CAMKMT: variants seen among roughly 807,000 people sequenced by gnomAD.
CAMKMT encodes CaM KMT.
A neutral mutation model predicts 48.0 loss-of-function variants in CAMKMT; 53 were observed. That is an observed-to-expected ratio of 1.10 (90% CI 0.89 to 1.39). The LOEUF (loss-of-function observed/expected upper bound fraction) is 1.39. CAMKMT is among the 40% of genes most tolerant of loss of function. The probability of loss-of-function intolerance (pLI) is 0.00; values close to 1 mark genes in which losing one functional copy is unlikely to be tolerated. For synonymous variants in CAMKMT, 165 were observed against 152.3 expected, an observed-to-expected ratio of 1.08 and a Z score of -0.61; for missense variants, 428 against 402.7, an observed-to-expected ratio of 1.06 and a Z score of -0.54.
At chr2:44,366,780 A>G (rs1433064937) in intron 1 of CAMKMT, among the ~76,000 whole-genome samples, 1 of 152,142 alleles carries the variant, frequency 6.6e-6, no homozygotes, top group Non-Finnish European at 1.5e-5. Context: ...GAAGTGCAGC[A>G]GTGTGATCTC....
chr2:44,395,933 A>G (rs1681796564), intron 3 of CAMKMT, among the ~76,000 whole-genome samples: 1 of 152,164 alleles, frequency 6.6e-6, no homozygotes, highest in African/African-American at 2.4e-5. Context: ...AAATACACAT[A>G]TAAATCAATA....
intron 6 of CAMKMT, among the ~76,000 whole-genome samples, chr2:44,714,254 A>G (rs1558813221): frequency 1.3e-5 from 2 of 152,226 alleles, no homozygotes; most frequent in Admixed American, 6.5e-5. Flanking sequence ...TCTAAGAGTT[A>G]TAGTGCCAGG....
At position 44,443,596 on chromosome 2, in the gene CAMKMT, A is replaced by G. The variant is rs370694213; in HGVS notation, c.376+53291A>G. 1.9e-4 allele frequency among the ~76,000 whole-genome samples: 29 copies of G among 152,298 alleles called. No homozygotes were observed. In the East Asian group the frequency reaches 5.4e-3, roughly 28 times the overall value. Reference sequence around the variant, plus strand: ...TATAAATTTCTTGCTTTGTAGTTTAACAGGTTTAGTCACCACAGTTGAAAG... The same window carrying G: ...TATAAATTTCTTGCTTTGTAGTTTAGCAGGTTTAGTCACCACAGTTGAAAG... On this transcript the variant is annotated intron_variant, in intron 3 of 10. Coordinates refer to ENST00000378494, the MANE Select transcript of CAMKMT (RefSeq NM_024766.5).
At chr2:44,558,709 C>T (rs746891117) in intron 3 of CAMKMT, among the ~76,000 whole-genome samples, 1 of 152,044 alleles carries the variant, frequency 6.6e-6, no homozygotes, top group South Asian at 2.1e-4. Flanking sequence ...CATGTTCTCA[C>T]GTATAACTGG....
intron 3 of CAMKMT, among the ~76,000 whole-genome samples, chr2:44,567,424 A>G (rs1040145053): frequency 2.0e-5 from 3 of 152,220 alleles, no homozygotes; most frequent in African/African-American, 4.8e-5. Context: ...GCAACCGGCT[A>G]TCAACTGGGA....
At chr2:44,519,293 T>A (rs980962920) in intron 3 of CAMKMT, among the ~76,000 whole-genome samples, 2 of 152,226 alleles carry the variant, frequency 1.3e-5, no homozygotes, top group Admixed American at 6.5e-5. Flanking sequence ...AAACAAACAG[T>A]GACATAAACT....
chr2:44,362,685 C>T (rs1423848057), intron 1 of CAMKMT, among the ~76,000 whole-genome samples: 2 of 152,206 alleles, frequency 1.3e-5, no homozygotes, highest in African/African-American at 2.4e-5. Flanking sequence ...GATACCCTCT[C>T]TCACTGAGGT....
intron 7 of CAMKMT, among the ~76,000 whole-genome samples, chr2:44,724,123 T>C (rs1049345890): frequency 2.6e-5 from 4 of 152,124 alleles, no homozygotes; most frequent in Non-Finnish European, 4.4e-5. Flanking sequence ...AAGAATGTTC[T>C]AGCCAGGTGC....
intron 7 of CAMKMT, among the ~76,000 whole-genome samples, chr2:44,730,711 A>G (rs1321352840): frequency 2.0e-5 from 3 of 152,250 alleles, no homozygotes; most frequent in African/African-American, 7.2e-5. Flanking sequence ...AGTGGCAAAT[A>G]GGAAATCATT....
chr2:44,590,332 G>A (rs1670182167), intron 3 of CAMKMT, among the ~76,000 whole-genome samples: 1 of 152,054 alleles, frequency 6.6e-6, no homozygotes, highest in Non-Finnish European at 1.5e-5. Flanking sequence ...AGAAAGAATT[G>A]GTGTTATTTC....
In CAMKMT at chr2:44,492,960, C is replaced by G. The variant is rs1391348879; in HGVS notation, c.376+102655C>G. Among the ~76,000 whole-genome samples, 4 of 149,114 alleles carry G rather than the reference C, an allele frequency of 2.7e-5. No homozygotes were observed. The East Asian group carries it at 8.0e-4, about 30-fold the overall frequency. ...CCAGGCTAGAGTGCAATGGCATGAT[C>G]TTAGCTCACTGCAACCTCCACCTCC... On this transcript the variant is annotated intron_variant, in intron 3 of 10. Transcript: ENST00000378494.
chr2:44,726,178 G>A (rs1678774108), intron 7 of CAMKMT, among the ~76,000 whole-genome samples: 1 of 152,168 alleles, frequency 6.6e-6, no homozygotes, highest in Non-Finnish European at 1.5e-5. Context: ...TGGTTGCTCT[G>A]TTTTAAGTTC....
rs566337468 is a variant in CAMKMT, at chr2:44,454,586, G to C, written c.376+64281G>C. Among the ~76,000 whole-genome samples, 75 of 152,216 alleles carry C rather than the reference G, an allele frequency of 4.9e-4. 1 individual carries two copies. Among genetic ancestry groups the C allele is most frequent in the African/African-American group, 1.7e-3 (71 of 41,546 alleles). ...GGAACTTAAAAGTTAGCTTTGCTTA[G>C]TAACTATGCCTTGAAGTAGGATAAT... On this transcript the variant is annotated intron_variant, in intron 3 of 10. Coordinates refer to ENST00000378494, the MANE Select transcript of CAMKMT (RefSeq NM_024766.5).
At chr2:44,556,292 C>G (rs1007593492) in intron 3 of CAMKMT, among the ~76,000 whole-genome samples, 1 of 151,874 alleles carries the variant, frequency 6.6e-6, no homozygotes, top group Non-Finnish European at 1.5e-5. Flanking sequence ...GTGGCTGCCA[C>G]CACACCTGGC....
chr2:44,389,914 C>T (rs769881815), intron 2 of CAMKMT, among the ~76,000 whole-genome samples: 4 of 152,078 alleles, frequency 2.6e-5, no homozygotes, highest in East Asian at 3.9e-4. Flanking sequence ...CAGCTTGATT[C>T]TCTAAGTATA....
At chr2:44,655,444 T>C (rs1273982124) in intron 3 of CAMKMT, among the ~76,000 whole-genome samples, 1 of 152,210 alleles carries the variant, frequency 6.6e-6, no homozygotes, top group East Asian at 1.9e-4. Context: ...CAAAATGTCA[T>C]TGGACCATGA....
chr2:44,593,154 A>AT (rs1670413571), intron 3 of CAMKMT, among the ~76,000 whole-genome samples: 1 of 152,004 alleles, frequency 6.6e-6, no homozygotes, highest in African/African-American at 2.4e-5. Flanking sequence ...TGTAGGGCAA[A>AT]TTTTTCCACA....
chr2:44,508,384 G>A (rs1003736759), intron 3 of CAMKMT, among the ~76,000 whole-genome samples: 3 of 152,164 alleles, frequency 2.0e-5, no homozygotes, highest in African/African-American at 7.2e-5. Flanking sequence ...GTCACAGCAA[G>A]GGAGTGAGTA....
chr2:44,595,365 A>G (rs570648654), intron 3 of CAMKMT, among the ~76,000 whole-genome samples: 7 of 152,296 alleles, frequency 4.6e-5, no homozygotes, highest in Non-Finnish European at 8.8e-5. Flanking sequence ...CTCAGCGTCC[A>G]AAGTGCTGGG....
Sources: allele counts gnomAD v4.1 joint callset (sites outside exome capture counted in the v4.1 genomes callset), GRCh38; gene constraint gnomAD v4.1.1; transcripts MANE v1.5; gene names NCBI Gene and HGNC (gene_info 2026-07-23, HGNC 2026-07-21).